NALF1: variants seen among roughly 807,000 people sequenced by gnomAD.
The protein encoded by NALF1 is family with sequence similarity 155 member A.
NALF1 carries 3 observed loss-of-function variants against 48.4 expected under a neutral mutation model. That is an observed-to-expected ratio of 0.06 (90% CI 0.03 to 0.16). NALF1 has a LOEUF of 0.16. NALF1 is among the 10% of genes least tolerant of loss of function. NALF1 has a pLI of 1.00. For missense variants in NALF1, 526 were observed against 571.5 expected (o/e 0.92, Z 0.81); for synonymous variants, 262 against 245.7 (o/e 1.07, Z -0.62).
intron 1 of NALF1, among the ~76,000 whole-genome samples, chr13:107,862,386 A>G (rs56843628): frequency 0.16 from 23,827 of 152,142 alleles, 1,926 homozygotes; most frequent in East Asian, 0.24. Flanking sequence ...ATATTGTCGA[A>G]CAACTTAAAA....
intron 1 of NALF1, among the ~76,000 whole-genome samples, chr13:107,357,446 G>A (rs1001611299): frequency 2.0e-5 from 3 of 152,230 alleles, no homozygotes; most frequent in African/African-American, 7.2e-5. Context: ...TAAGATTTGG[G>A]TGGGGACACA....
chr13:107,499,511 T>C (rs1157840525), intron 1 of NALF1, among the ~76,000 whole-genome samples: 1 of 152,102 alleles, frequency 6.6e-6, no homozygotes, highest in East Asian at 1.9e-4. Flanking sequence ...CCAGGCCATA[T>C]TGAAGTCTTT....
chr13:107,337,109 T>G (rs911871039), intron 1 of NALF1, among the ~76,000 whole-genome samples: 25 of 141,296 alleles, frequency 1.8e-4, no homozygotes, highest in East Asian at 2.1e-4. Flanking sequence ...TTAGGCCACA[T>G]CACGGCATGG....
chr13:107,861,409 A>G (rs1179469273), intron 1 of NALF1, among the ~76,000 whole-genome samples: 1 of 152,234 alleles, frequency 6.6e-6, no homozygotes, highest in East Asian at 1.9e-4. Context: ...TGATATTACA[A>G]TAGCACTTAG....
chr13:107,521,864 A>G (rs1019128349), intron 1 of NALF1, among the ~76,000 whole-genome samples: 3 of 151,842 alleles, frequency 2.0e-5, no homozygotes, highest in African/African-American at 4.8e-5. Flanking sequence ...CTTGGTGGAG[A>G]TAGAAGAACT....
chr13:107,435,721 G>A (rs1406140078), intron 1 of NALF1, among the ~76,000 whole-genome samples: 4 of 148,460 alleles, frequency 2.7e-5, no homozygotes, highest in Non-Finnish European at 5.9e-5. Flanking sequence ...TGAGATGTGG[G>A]AACTTTTGAT....
At position 107,580,986 on chromosome 13, in the gene NALF1, G is replaced by C. The variant is rs188443525; in HGVS notation, c.915+284696C>G. Among the ~76,000 whole-genome samples the C allele has an allele frequency of 2.0e-3, 304 of 152,142 alleles. 3 individuals are homozygous for C. The highest frequency in any genetic ancestry group is 3.1e-3 in the Non-Finnish European group (214 of 68,000). On this transcript the variant is annotated intron_variant, in intron 1 of 2. Coordinates refer to ENST00000375915, the MANE Select transcript of NALF1 (RefSeq NM_001080396.3). ...AGCCAAGAAAGGCTTTAAATGAGTT[G>C]GAGACCAGAGAAAAATAGTCAAAAT... is the stretch of plus-strand genomic sequence containing the variant.
chr13:107,425,166 C>T (rs1255984059), intron 1 of NALF1, among the ~76,000 whole-genome samples: 2 of 152,142 alleles, frequency 1.3e-5, no homozygotes, highest in East Asian at 1.9e-4. Context: ...GAAAAGAATC[C>T]TCCCTCGCCA....
intron 1 of NALF1, among the ~76,000 whole-genome samples, chr13:107,783,473 T>C (rs1029057784): frequency 3.3e-5 from 5 of 152,158 alleles, no homozygotes; most frequent in African/African-American, 7.2e-5. Flanking sequence ...CATGTCTGTG[T>C]AGAAAGAAGT....
At chr13:107,479,796 A>G (rs1397801241) in intron 1 of NALF1, among the ~76,000 whole-genome samples, 2 of 152,178 alleles carry the variant, frequency 1.3e-5, no homozygotes, top group African/African-American at 4.8e-5. Flanking sequence ...GACATATTAG[A>G]AATTTGCCTG....
At chr13:107,724,165 C>T (rs548726261) in intron 1 of NALF1, among the ~76,000 whole-genome samples, 31 of 152,034 alleles carry the variant, frequency 2.0e-4, no homozygotes, top group African/African-American at 6.7e-4. Context: ...TTTTTTTACC[C>T]TCAATTTCCA....
At chr13:107,208,734 T>A (rs150636962) in intron 2 of NALF1, among the ~76,000 whole-genome samples, 8 of 152,306 alleles carry the variant, frequency 5.3e-5, no homozygotes, top group African/African-American at 1.9e-4. Flanking sequence ...GGCCTTATCT[T>A]CATGGTTATT....
chr13:107,453,389 C>A (rs1483466712), intron 1 of NALF1, among the ~76,000 whole-genome samples: 3 of 152,260 alleles, frequency 2.0e-5, no homozygotes, highest in East Asian at 1.9e-4. Context: ...AGGGCTAACA[C>A]CACATGGAAG....
chr13:107,808,165 T>C (rs1007060155), intron 1 of NALF1, among the ~76,000 whole-genome samples: 1 of 152,000 alleles, frequency 6.6e-6, no homozygotes. Flanking sequence ...CTCACAGAAG[T>C]ATATATATTT....
chr13:107,634,922 A>G (rs1879933701), intron 1 of NALF1, among the ~76,000 whole-genome samples: 1 of 152,152 alleles, frequency 6.6e-6, no homozygotes, highest in Non-Finnish European at 1.5e-5. Context: ...AAGTGCTAGG[A>G]ATAAGTCCCA....
intron 1 of NALF1, among the ~76,000 whole-genome samples, chr13:107,492,553 C>T (rs936303147): frequency 4.6e-5 from 7 of 152,134 alleles, no homozygotes; most frequent in African/African-American, 1.4e-4. Flanking sequence ...AAGCCTTCCT[C>T]GCCTTACTCA....
intron 1 of NALF1, among the ~76,000 whole-genome samples, chr13:107,466,873 TCCTC>T (rs1885012684): frequency 6.6e-6 from 1 of 152,106 alleles, no homozygotes; most frequent in Non-Finnish European, 1.5e-5. Flanking sequence ...GTCTCGGTTT[TCCTC>T]CCTATTTTGG....
intron 1 of NALF1, among the ~76,000 whole-genome samples, chr13:107,274,416 A>AT (rs1212660328): frequency 1.3e-5 from 2 of 152,060 alleles, no homozygotes; most frequent in East Asian, 1.9e-4. Flanking sequence ...ACCAAAAAAC[A>AT]TTTTTTAAAT....
chr13:107,524,669 C>G (rs1170382368), intron 1 of NALF1, among the ~76,000 whole-genome samples: 1 of 152,076 alleles, frequency 6.6e-6, no homozygotes, highest in East Asian at 1.9e-4. Context: ...GCAGCCTAAT[C>G]ATTTGTACCC....
Sources: allele counts gnomAD v4.1 joint callset (sites outside exome capture counted in the v4.1 genomes callset), GRCh38; gene constraint gnomAD v4.1.1; transcripts MANE v1.5; gene names NCBI Gene and HGNC (gene_info 2026-07-23, HGNC 2026-07-21).